The following FBXO34 variants were observed in gnomAD, a reference collection of about 807,000 sequenced individuals.
FBXO34 encodes F-box protein 34, also known as F-box only protein 34.
FBXO34 carries 12 observed loss-of-function variants against 24.5 expected under a neutral mutation model. The ratio of observed to expected loss-of-function variants is 0.49; its 90% CI spans 0.31 to 0.79. The LOEUF is 0.79. Ranked by LOEUF, FBXO34 falls within the 30% of genes least tolerant of loss-of-function variation. The pLI, the probability that FBXO34 is intolerant of heterozygous loss-of-function variation, is 0.04. For synonymous variants in FBXO34, 320 were observed against 311.9 expected (o/e 1.03, Z -0.27); for missense variants, 823 against 857.7 (o/e 0.96, Z 0.51).
At chr14:55,321,766 G>T (rs1397400712) in intron 1 of FBXO34, among the ~76,000 whole-genome samples, 2 of 152,142 alleles carry the variant, frequency 1.3e-5, no homozygotes, top group African/African-American at 4.8e-5. Context: ...TTCATCTGTC[G>T]AATGGAGAAA....
the FBXO34 span, among the ~76,000 whole-genome samples, chr14:55,442,353 C>A: frequency 1.3e-5 from 2 of 149,608 alleles, no homozygotes; most frequent in African/African-American, 4.9e-5. Flanking sequence ...CATGTCACTG[C>A]ACTCCACCCT....
intron 1 of FBXO34, among the ~76,000 whole-genome samples, chr14:55,276,567 C>T (rs147140723): frequency 1.2e-4 from 18 of 152,118 alleles, no homozygotes; most frequent in Non-Finnish European, 2.1e-4. Flanking sequence ...GACCGAGAGA[C>T]GGCTAACGCT....
At chr14:55,386,759 T>C in the FBXO34 span, among the ~76,000 whole-genome samples, 1 of 152,224 alleles carries the variant, frequency 6.6e-6, no homozygotes, top group Non-Finnish European at 1.5e-5. Flanking sequence ...AGGTCCTTTT[T>C]GTGGAGTCCT....
chr14:55,323,218 A>AATAT (rs1555337921), intron 1 of FBXO34, among the ~76,000 whole-genome samples: 473 of 31,584 alleles, frequency 0.015, 43 homozygotes, highest in East Asian at 0.045. Context: ...AAAAAAAAAA[A>AATAT]ATATATATTT....
chr14:55,426,779 A>G, the FBXO34 span, among the ~76,000 whole-genome samples: 1 of 152,220 alleles, frequency 6.6e-6, no homozygotes, highest in East Asian at 1.9e-4. Flanking sequence ...GGAGGAAGAT[A>G]GAACAGGGAT....
intron 1 of FBXO34, among the ~76,000 whole-genome samples, chr14:55,347,907 G>A (rs1884211649): frequency 6.6e-6 from 1 of 152,156 alleles, no homozygotes; most frequent in Non-Finnish European, 1.5e-5. Context: ...AGAATTTATT[G>A]GGTTTTTCAA....
the FBXO34 span, among the ~76,000 whole-genome samples, chr14:55,434,904 GTAGGAAGCAGGTCTTACTCATCT>G: frequency 9.0e-4 from 137 of 152,220 alleles, 1 homozygote; most frequent in Middle Eastern, 0.014. Flanking sequence ...CTTTTTCCCA[GTAGGAAGCAGGTCTTACTCATCT>G]TTGTACTCCT....
At chr14:55,354,853 G>C (rs905313919), downstream of FBXO34, among the ~76,000 whole-genome samples, 1 of 152,104 alleles carries the variant, frequency 6.6e-6, no homozygotes, top group Non-Finnish European at 1.5e-5. Flanking sequence ...GTCTCCAGTA[G>C]TGTGCCGCAC....
chr14:55,306,904 T>A (rs1183623389), intron 1 of FBXO34, among the ~76,000 whole-genome samples: 1 of 152,216 alleles, frequency 6.6e-6, no homozygotes, highest in Admixed American at 6.5e-5. Context: ...TCTCAAGTAG[T>A]GCTTTTCAAA....
chr14:55,401,579 C>A, the FBXO34 span, among the ~76,000 whole-genome samples: 1 of 152,108 alleles, frequency 6.6e-6, no homozygotes, highest in Non-Finnish European at 1.5e-5. Context: ...GGGTTGTTCC[C>A]CCCTAAAAAG....
the FBXO34 span, among the ~76,000 whole-genome samples, chr14:55,394,464 C>A: frequency 6.6e-6 from 1 of 152,190 alleles, no homozygotes; most frequent in Admixed American, 6.6e-5. Flanking sequence ...AGCTTAAAAT[C>A]TGGAAGCAAA....
rs1309396642 is a variant in FBXO34, at chr14:55,299,237, G to A, written c.-11+27700G>A. ...AACCTGCCAAGAAGAGGAAGACGAC[G>A]ACATGAAGGATTTGGAGAACTGGGC... is the stretch of plus-strand genomic sequence containing the variant. On this transcript the variant is annotated intron_variant, in intron 1 of 1. Coordinates refer to ENST00000313833, the MANE Select transcript of FBXO34 (RefSeq NM_017943.4). 5 of 843,876 alleles carry A rather than the reference G, an allele frequency of 5.9e-6. 1 individual carries two copies. Among genetic ancestry groups the A allele is most frequent in the East Asian group, 4.8e-5 (2 of 41,484 alleles). The allele number at this position is 843,876 out of a possible 1,614,324, so 52.3% of individuals were successfully genotyped here.
At chr14:55,435,314 T>C in the FBXO34 span, among the ~76,000 whole-genome samples, 1 of 151,648 alleles carries the variant, frequency 6.6e-6, no homozygotes, top group Non-Finnish European at 1.5e-5. Context: ...GTCTCGCTGT[T>C]ACCCAGGCTG....
chr14:55,305,856 C>G (rs1046881860), intron 1 of FBXO34, among the ~76,000 whole-genome samples: 1 of 152,190 alleles, frequency 6.6e-6, no homozygotes, highest in Admixed American at 6.5e-5. Flanking sequence ...TAAGGGTACA[C>G]TGATTTGGCT....
downstream of FBXO34, chr14:55,369,154 C>T (rs1333928241): frequency 1.3e-5 from 2 of 152,864 alleles, no homozygotes; most frequent in Non-Finnish European, 2.9e-5. Flanking sequence ...GGCAGAAAAA[C>T]TCTTATTAAA....
intron 1 of FBXO34, chr14:55,335,376 C>A (rs1321148686): frequency 6.6e-6 from 1 of 152,078 alleles, no homozygotes; most frequent in Non-Finnish European, 1.5e-5. Flanking sequence ...CATCTTGAGT[C>A]TGTGTATGTT....
At position 55,350,962 on chromosome 14, in the gene FBXO34, A is replaced by T; in HGVS notation, c.572A>T (p.Tyr191Phe). 1 of 1,614,208 alleles carries T rather than the reference A, an allele frequency of 6.2e-7. No homozygotes were observed. Among genetic ancestry groups the T allele is most frequent in the South Asian group, 1.1e-5 (1 of 91,076 alleles). ...ACGIEHCSVH[Y>F]VSDSGDGVYA... The stretch of plus-strand genomic sequence containing the variant: ...GGCATTGAGCACTGTTCTGTGCACT[A>T]TGTGAGTGACAGTGGGGATGGAGTC... The change falls in exon 2 of 2, where the codon TAT becomes TTT. Residue 191 changes from tyrosine (Y) to phenylalanine (F), a missense_variant. Physicochemically the swap from Tyr to Phe is conservative, Grantham distance 22 (BLOSUM62 3). Transcript: ENST00000313833.
At chr14:55,350,227 G>A (rs1884301417) in intron 1 of FBXO34, among the ~76,000 whole-genome samples, 154 bp from the exon 2 acceptor site, 1 of 151,336 alleles carries the variant, frequency 6.6e-6, no homozygotes, top group Admixed American at 6.6e-5. Context: ...GATATGTGCA[G>A]TAAAAACTAT....
the FBXO34 span, among the ~76,000 whole-genome samples, chr14:55,388,980 C>A: frequency 3.3e-5 from 5 of 151,974 alleles, no homozygotes; most frequent in Admixed American, 6.6e-5. Context: ...TTTGACATTG[C>A]CATCACGTTC....
Sources: allele counts gnomAD v4.1 joint callset (sites outside exome capture counted in the v4.1 genomes callset), GRCh38; gene constraint gnomAD v4.1.1; transcripts MANE v1.5; gene names NCBI Gene and HGNC (gene_info 2026-07-23, HGNC 2026-07-21).